The following WDR90 variants were observed in gnomAD, a reference collection of about 807,000 sequenced individuals.
WDR90 encodes the protein WD repeat-containing protein 90.
WDR90 carries 238 observed loss-of-function variants against 195.2 expected under a neutral mutation model. That is an observed-to-expected ratio of 1.22 (90% CI 1.10 to 1.36). WDR90 has a LOEUF of 1.36. Among genes scored for constraint, WDR90 ranks in the 40% most tolerant of loss-of-function variants. WDR90 has a pLI of 0.00. For synonymous variants in WDR90, 1,265 were observed against 1,052.4 expected (o/e 1.20, Z -3.91); for missense variants, 2,734 against 2,439.5 (o/e 1.12, Z -2.54).
In WDR90 at chr16:661,099, A is replaced by G. The variant is rs1411068575; in HGVS notation, c.3440A>G (p.His1147Arg). Reference protein sequence around the residue: ...CGRLVVVEDLHSGAQQHWSGH... With the variant: ...CGRLVVVEDLRSGAQQHWSGH... ...CGCCTGGTGGTGGTGGAGGACCTGC[A>G]CTCTGGCGCCCAGCAGCACTGGTCC... Residue 1147 changes from histidine (H) to arginine (R), a missense_variant, in exon 29 of 41, where the codon CAC becomes CGC. Physicochemically the swap from His to Arg is conservative, Grantham distance 29. Transcript: ENST00000293879. The G allele has an allele frequency of 1.5e-5, 23 of 1,507,494 alleles. No homozygotes were observed. Among genetic ancestry groups the G allele is most frequent in the Non-Finnish European group, 2.0e-5 (23 of 1,141,094 alleles). 93.4% of individuals were successfully genotyped at this position (1,507,494 alleles called of 1,614,324 possible).
intron 10 of WDR90, among the ~76,000 whole-genome samples, 154 bp from the exon 11 acceptor site, chr16:653,187 C>T (rs1028451272): frequency 1.3e-5 from 2 of 152,170 alleles, no homozygotes; most frequent in Non-Finnish European, 2.9e-5. Flanking sequence ...GGTGTGTGTT[C>T]TCTCTTGCCC....
At chr16:666,623 G>T in intron 38 of WDR90, 25 bp downstream of exon 38, 1 of 1,611,574 alleles carries the variant, frequency 6.2e-7, no homozygotes, top group Non-Finnish European at 8.5e-7. Flanking sequence ...TGGCACTGTG[G>T]GTGGGGCCGG....
At chr16:664,279 G>T (rs564552180) in intron 34 of WDR90, among the ~76,000 whole-genome samples, 1 of 152,172 alleles carries the variant, frequency 6.6e-6, no homozygotes, top group East Asian at 1.9e-4. Flanking sequence ...GGCTTTCTGT[G>T]TCTGGGTCTT....
chr16:651,560 G>C, intron 7 of WDR90, 84 bp from the exon 8 acceptor site: 1 of 1,375,156 alleles, frequency 7.3e-7, no homozygotes, highest in Non-Finnish European at 1.0e-6. Context: ...TGGGCCACTT[G>C]CTGCTGCCCT....
intron 3 of WDR90, 27 bp from the exon 4 acceptor site, chr16:650,227 C>T (rs761823721): frequency 2.5e-6 from 4 of 1,611,414 alleles, no homozygotes; most frequent in Admixed American, 3.3e-5. Context: ...GCCCCTGTCT[C>T]CTCACGGCCC....
chr16:661,472 C>T lies in WDR90; in HGVS notation c.3644C>T (p.Ser1215Leu), dbSNP rs772244714. 9 of 1,609,170 alleles carry T rather than the reference C, an allele frequency of 5.6e-6. No individual in the cohort carries two copies. Among genetic ancestry groups the T allele is most frequent in the East Asian group, 2.2e-5 (1 of 44,764 alleles). The change falls in exon 30 of 41, where the codon TCA becomes TTA. Residue 1215 changes from serine (S) to leucine (L), a missense_variant. Ser to Leu is a moderately radical substitution (Grantham distance 145, BLOSUM62 -2). Transcript: ENST00000293879. ...HSTTVLALAF[S>L]PDDRLLVTLG... The stretch of plus-strand genomic sequence containing the variant: ...ACCACCGTGCTGGCCCTGGCCTTCT[C>T]ACCAGATGACAGGCTTCTTGTCACA...
chr16:662,688 C>T lies in WDR90; in HGVS notation c.4155C>T (p.Phe1385=). 2 of 1,552,942 alleles carry T rather than the reference C, an allele frequency of 1.3e-6. No homozygotes were observed. The highest frequency in any genetic ancestry group is 1.7e-6 in the Non-Finnish European group (2 of 1,145,928). Residue 1385 remains phenylalanine, a synonymous_variant, in exon 34 of 41, where the codon TTC becomes TTT. Coordinates refer to ENST00000293879, the MANE Select transcript of WDR90 (RefSeq NM_145294.5). ...GCACCCTGAGGTCCAGTTCTGTGTT[C>T]ATGGAACACGAGCTGGTGCTGGACG... ...RCKGSGASSV[F]MEHELVLDGA...
rs1302673123 is a variant in WDR90 at position 667,675 on chromosome 16, A to G, written c.*86A>G. 3 of 1,570,406 alleles carry G rather than the reference A, an allele frequency of 1.9e-6. No individual in the cohort carries two copies. In the South Asian group the frequency reaches 3.4e-5, roughly 18 times the overall value. On this transcript the variant is annotated 3_prime_UTR_variant, in exon 41 of 41. Transcript: ENST00000293879. Reference sequence around the variant, plus strand: ...GGCTTGGCAGAGGCGCCAGGTTGTCAATGGCCTCATGCTGGGACAGGCCAG... The same window carrying G: ...GGCTTGGCAGAGGCGCCAGGTTGTCGATGGCCTCATGCTGGGACAGGCCAG...
In WDR90 at chr16:666,756, C is replaced by T. The variant is rs1449834562; in HGVS notation, c.4968C>T (p.Tyr1656=). The change falls in exon 39 of 41, where the codon TAC becomes TAT. Residue 1656 remains tyrosine, a synonymous_variant. Coordinates refer to ENST00000293879, the MANE Select transcript of WDR90 (RefSeq NM_145294.5). ...TGATGTACGTGGGCCCCGGTGTTTA[C>T]AAGGAGGTGATCATCTACAACCTCT... ...ALLMYVGPGV[Y]KEVIIYNLCQ... 5.0e-6 allele frequency: 8 copies of T among 1,612,698 alleles called. No individual in the cohort carries two copies. The highest frequency in any genetic ancestry group is 4.5e-5 in the East Asian group (2 of 44,890).
chr16:667,158 C>A (rs2038105310), intron 40 of WDR90, among the ~76,000 whole-genome samples, 169 bp downstream of exon 40: 1 of 152,162 alleles, frequency 6.6e-6, no homozygotes, highest in African/African-American at 2.4e-5. Flanking sequence ...GATGATGAGG[C>A]AGGTGAGGAA....
At chr16:660,540 T>TG in intron 27 of WDR90, 72 bp from the exon 28 acceptor site, 1 of 1,463,796 alleles carries the variant, frequency 6.8e-7, no homozygotes, top group Non-Finnish European at 9.3e-7. Context: ...CAACACAGCC[T>TG]CCCATGTGCA....
At chr16:667,377 C>A in intron 40 of WDR90, 55 bp from the exon 41 acceptor site, 1 of 1,547,562 alleles carries the variant, frequency 6.5e-7, no homozygotes, top group South Asian at 1.2e-5. Flanking sequence ...GTTGGGGGAG[C>A]CCTCTGAGTG....
At chr16:661,813 CA>C (rs771238133) in intron 31 of WDR90, 26 bp downstream of exon 31, 2 of 1,587,788 alleles carry the variant, frequency 1.3e-6, no homozygotes, top group Admixed American at 3.4e-5. Flanking sequence ...CGTTTGGGCC[CA>C]GGGGTTGTTT....
Position 656,284 on chromosome 16 carries a change from A to ACCCCCC in WDR90, c.1967-14_1967-13insCCCCCC. On this transcript the variant is annotated splice_polypyrimidine_tract_variant and intron_variant, in intron 17 of 40. Coordinates refer to ENST00000293879, the MANE Select transcript of WDR90 (RefSeq NM_145294.5). ...CCCGGGGTGGCCCTGGAGGCCCCTG[A>ACCCCCC]CCCCACCCCACCCACAGAGCACGAG... is the stretch of plus-strand genomic sequence containing the variant. 2 of 1,352,230 alleles carry ACCCCCC rather than the reference A, an allele frequency of 1.5e-6. No individual in the cohort carries two copies. The highest frequency in any genetic ancestry group is 1.4e-5 in the African/African-American group (1 of 70,108). The allele number at this position is 1,352,230 out of a possible 1,614,324, so 83.8% of individuals were successfully genotyped here. A position where few individuals can be genotyped will look rare whatever the true frequency, so the allele number is the denominator to read the frequency against.
intron 7 of WDR90, 37 bp from the exon 8 acceptor site, chr16:651,607 G>A (rs751054760): frequency 1.3e-6 from 2 of 1,598,204 alleles, no homozygotes; most frequent in African/African-American, 2.7e-5. Flanking sequence ...CTGCACAGCT[G>A]GCCCCTGGGT....
At chr16:661,869 G>A in intron 31 of WDR90, 22 bp from the exon 32 acceptor site, 1 of 1,600,892 alleles carries the variant, frequency 6.2e-7, no homozygotes. Context: ...GCTGACCCAT[G>A]GCCACTCTCA....
rs3803697 is a variant in WDR90, at chr16:655,360, T to G, written c.1610T>G (p.Val537Gly). 11 of 1,600,366 alleles carry G rather than the reference T, an allele frequency of 6.9e-6. No homozygotes were observed. The highest frequency in any genetic ancestry group is 9.3e-6 in the Non-Finnish European group (11 of 1,178,814). Residue 537 changes from valine to glycine, a missense_variant, in exon 15 of 41, where the codon GTG (valine) becomes GGG (glycine). Transcript: ENST00000293879. ...CGGCTCTGGCGGCTGCGTGGCGGGG[T>G]GCTGCGTTCCTGCCCCGTGGACTTA... ...SVRLWRLRGG[V>G]LRSCPVDLGE...
upstream of WDR90, chr16:649,158 G>A: frequency 2.6e-6 from 1 of 389,636 alleles, no homozygotes; most frequent in Non-Finnish European, 4.5e-6. Flanking sequence ...GGGCTTCGAA[G>A]CCGGTCGGGC....
chr16:666,974 G>T lies in WDR90; in HGVS notation c.5074G>T (p.Ala1692Ser), dbSNP rs750439999. The change falls in exon 40 of 41, where the codon GCT (alanine) becomes TCT (serine). Residue 1692 changes from alanine (A) to serine (S), a missense_variant. By Grantham distance (99) the Ala-to-Ser change is moderately conservative. Coordinates refer to ENST00000293879, the MANE Select transcript of WDR90 (RefSeq NM_145294.5). ...CCTGTCCCCCGGGACCCACCTCCTGGCTGTTGGCTTTGCTGGTGAGTGCTG... is the reference window on the plus strand; with the variant it reads ...CCTGTCCCCCGGGACCCACCTCCTGTCTGTTGGCTTTGCTGGTGAGTGCTG... ...LSLSPGTHLL[A>S]VGFAECMLRL... The T allele has an allele frequency of 1.9e-6, 3 of 1,606,486 alleles. No homozygotes were observed. Among genetic ancestry groups the T allele is most frequent in the Admixed American group, 1.7e-5 (1 of 59,116 alleles).
Sources: allele counts gnomAD v4.1 joint callset (sites outside exome capture counted in the v4.1 genomes callset), GRCh38; gene constraint gnomAD v4.1.1; transcripts MANE v1.5; gene names NCBI Gene and HGNC (gene_info 2026-07-23, HGNC 2026-07-21).